Variants in GRIN2B observed in about 807,000 individuals in gnomAD.
The protein encoded by GRIN2B is glutamate ionotropic receptor NMDA type subunit 2B, also known as glutamate receptor ionotropic, NMDA 2B.
A neutral mutation model predicts 114.5 loss-of-function variants in GRIN2B; 5 were observed. That is an observed-to-expected ratio of 0.04 (90% confidence interval 0.02 to 0.09). The LOEUF is 0.09. GRIN2B is among the 10% of genes least tolerant of loss of function. The pLI is 1.00. For missense variants in GRIN2B, 1,108 were observed against 1,943.5 expected, an observed-to-expected ratio of 0.57 and a Z score of 8.08; for synonymous variants, 787 against 745.1, an observed-to-expected ratio of 1.06 and a Z score of -0.92.
intron 2 of GRIN2B, among the ~76,000 whole-genome samples, chr12:13,934,629 G>T (rs946041562): frequency 6.6e-6 from 1 of 152,186 alleles, no homozygotes; most frequent in Admixed American, 6.5e-5. Context: ...TACCAAGTGG[G>T]TGTAACATCA....
chr12:13,890,466 G>T (rs1328251101), intron 2 of GRIN2B, among the ~76,000 whole-genome samples: 2 of 152,110 alleles, frequency 1.3e-5, no homozygotes, highest in African/African-American at 4.8e-5. Flanking sequence ...TGGAGGACAG[G>T]TACCACCACT....
chr12:13,744,463 T>C lies in GRIN2B; in HGVS notation c.1010+8854A>G, dbSNP rs540346417. 1.1e-4 allele frequency among the ~76,000 whole-genome samples: 17 copies of C among 152,098 alleles called. No individual in the cohort carries two copies. In the South Asian group the frequency reaches 3.5e-3, roughly 32 times the overall value. The stretch of plus-strand genomic sequence containing the variant: ...TTCCACAGGCGGTCATTTATGAACA[T>C]AGAAAGGTAAAGGCAAGAAAGGTTT... On this transcript the variant is annotated intron_variant, in intron 4 of 13. Transcript: ENST00000609686.
chr12:13,841,655 C>G (rs536343874), intron 3 of GRIN2B, among the ~76,000 whole-genome samples: 6 of 152,138 alleles, frequency 3.9e-5, no homozygotes, highest in Admixed American at 1.3e-4. Context: ...AACACTGTCT[C>G]TAGCAACAAT....
intron 4 of GRIN2B, chr12:13,683,743 C>T (rs1950152056): frequency 6.6e-6 from 1 of 152,258 alleles, no homozygotes; most frequent in Non-Finnish European, 1.5e-5. Flanking sequence ...ATGTGAGTAG[C>T]TGGGCTTCCA....
Position 13,702,436 on chromosome 12 carries a change from T to C in GRIN2B, c.1011-26577A>G, listed in dbSNP as rs370883520. Among the ~76,000 whole-genome samples the C allele has an allele frequency of 3.9e-5, 6 of 152,340 alleles. No individual in the cohort carries two copies. In the South Asian group the frequency reaches 1.0e-3, roughly 26 times the overall value. On this transcript the variant is annotated intron_variant, in intron 4 of 13. Transcript: ENST00000609686. ...TTGGTTTTCTGGTCTGGCCTTATTATGCTCTTGACTTCAGTAGACTAGGGA... is the reference window on the plus strand; with the variant it reads ...TTGGTTTTCTGGTCTGGCCTTATTACGCTCTTGACTTCAGTAGACTAGGGA...
intron 5 of GRIN2B, among the ~76,000 whole-genome samples, chr12:13,638,332 A>G (rs1949683819): frequency 6.6e-6 from 1 of 152,136 alleles, no homozygotes; most frequent in South Asian, 2.1e-4. Flanking sequence ...ATATAATTAA[A>G]GGATTTTGAG....
At chr12:13,888,132 T>C (rs1393846022) in intron 2 of GRIN2B, among the ~76,000 whole-genome samples, 1 of 152,044 alleles carries the variant, frequency 6.6e-6, no homozygotes, top group Non-Finnish European at 1.5e-5. Flanking sequence ...AACAATTTTG[T>C]TTAACCCAAA....
intron 4 of GRIN2B, among the ~76,000 whole-genome samples, chr12:13,680,426 C>T (rs1023157617): frequency 5.5e-5 from 8 of 144,234 alleles, no homozygotes; most frequent in Non-Finnish European, 1.1e-4. Flanking sequence ...CCCTGGAAGT[C>T]CCATCAAGGT....
At chr12:13,704,544 CCAGTGCCATCCCA>C (rs1199330133) in intron 4 of GRIN2B, among the ~76,000 whole-genome samples, 2 of 152,086 alleles carry the variant, frequency 1.3e-5, no homozygotes, top group Non-Finnish European at 2.9e-5. Context: ...ACACCATCCC[CCAGTGCCATCCCA>C]ATCTCTAGGA....
At chr12:13,736,147 G>C (rs1354128020) in intron 4 of GRIN2B, among the ~76,000 whole-genome samples, 3 of 41,866 alleles carry the variant, frequency 7.2e-5, no homozygotes, top group Non-Finnish European at 1.6e-4. Flanking sequence ...GGGGGGGGGG[G>C]GGGTTGGCGG....
intron 10 of GRIN2B, among the ~76,000 whole-genome samples, chr12:13,589,913 C>T (rs1216346655): frequency 2.6e-5 from 4 of 151,982 alleles, no homozygotes; most frequent in Admixed American, 6.6e-5. Flanking sequence ...TGGCAAGGGG[C>T]CTTCAGAGAG....
At chr12:13,854,767 A>G (rs1865630526) in intron 3 of GRIN2B, among the ~76,000 whole-genome samples, 2 of 152,150 alleles carry the variant, frequency 1.3e-5, no homozygotes, top group African/African-American at 4.8e-5. Context: ...GTTCAAGATC[A>G]TACTGTTGAT....
chr12:13,638,235 C>T (rs1453245313), intron 5 of GRIN2B, among the ~76,000 whole-genome samples: 4 of 152,044 alleles, frequency 2.6e-5, no homozygotes, highest in African/African-American at 9.7e-5. Flanking sequence ...CCTCCCTTGA[C>T]CCTGTTTTTC....
At chr12:13,595,272 CTGTG>C (rs750046404) in intron 10 of GRIN2B, among the ~76,000 whole-genome samples, 1 of 151,976 alleles carries the variant, frequency 6.6e-6, no homozygotes, top group Admixed American at 6.6e-5. Context: ...TGATTTCTTC[CTGTG>C]TGTGTGTGTT....
chr12:13,541,411 G>C lies in GRIN2B; in HGVS notation c.*21372C>G, dbSNP rs1948277414. 6.6e-6 allele frequency: 1 copy of C among 152,176 alleles called. No individual in the cohort carries two copies. The highest frequency in any genetic ancestry group is 1.5e-5 in the Non-Finnish European group (1 of 68,056). The allele number at this position is 152,176 out of a possible 1,614,324, so 9.4% of individuals were successfully genotyped here. Reference sequence around the variant, plus strand: ...CTGAAGGAGGGGAGATCTGAGGCAGGGTAAATGGAAGTCACATTGTTTTCT... The same window carrying C: ...CTGAAGGAGGGGAGATCTGAGGCAGCGTAAATGGAAGTCACATTGTTTTCT... On this transcript the variant is annotated 3_prime_UTR_variant, in exon 14 of 14. Coordinates refer to ENST00000609686, the MANE Select transcript of GRIN2B (RefSeq NM_000834.5).
chr12:13,669,802 C>G (rs1950006760), intron 5 of GRIN2B, among the ~76,000 whole-genome samples: 1 of 152,074 alleles, frequency 6.6e-6, no homozygotes, highest in Non-Finnish European at 1.5e-5. Flanking sequence ...CAAGTAATAT[C>G]AATAGAGGTA....
At chr12:13,963,590 TA>T (rs1280359839) in intron 2 of GRIN2B, among the ~76,000 whole-genome samples, 1 of 152,144 alleles carries the variant, frequency 6.6e-6, no homozygotes, top group African/African-American at 2.4e-5. Context: ...AACCTTCACA[TA>T]ACCTGCGTTT....
chr12:13,940,359 T>A (rs768349606), intron 2 of GRIN2B, among the ~76,000 whole-genome samples: 9 of 152,122 alleles, frequency 5.9e-5, no homozygotes, highest in Non-Finnish European at 1.2e-4. Flanking sequence ...GAATTCCACA[T>A]AGCTCAGCCT....
intron 3 of GRIN2B, among the ~76,000 whole-genome samples, chr12:13,850,038 T>C (rs1865532971): frequency 6.6e-6 from 1 of 152,036 alleles, no homozygotes; most frequent in Non-Finnish European, 1.5e-5. Flanking sequence ...GGACCAGCAA[T>C]GGGAGGAACT....
Sources: gnomAD v4.1 joint callset for allele counts (sites outside exome capture counted in the v4.1 genomes callset) on GRCh38, gnomAD v4.1.1 for gene constraint, MANE v1.5 for transcripts, NCBI Gene and HGNC (gene_info 2026-07-23, HGNC 2026-07-21) for gene names.